Variants in SACS observed in about 807,000 individuals in gnomAD.
SACS encodes sacsin.
Under a neutral mutation model 348.0 loss-of-function variants are expected in SACS, and 197 were observed. The ratio of observed to expected loss-of-function variants is 0.57; its 90% CI spans 0.50 to 0.64. The LOEUF is 0.64. Ranked by LOEUF, SACS falls within the 30% of genes least tolerant of loss-of-function variation. The probability of loss-of-function intolerance (pLI) is 0.00; values close to 1 mark genes in which losing one functional copy is unlikely to be tolerated. For synonymous variants in SACS, 1,985 were observed against 1,910.6 expected, an observed-to-expected ratio of 1.04 and a Z score of -1.02; for missense variants, 4,999 against 5,360.8, an observed-to-expected ratio of 0.93 and a Z score of 2.11.
chr13:23,339,794 T>C lies in SACS; in HGVS notation c.4082A>G (p.Asn1361Ser), dbSNP rs1296100364. 6 of 1,613,786 alleles carry C rather than the reference T, an allele frequency of 3.7e-6. No individual in the cohort carries two copies. Among genetic ancestry groups the C allele is most frequent in the Non-Finnish European group, 5.1e-6 (6 of 1,179,804 alleles). Reference sequence around the variant, plus strand: ...ATTGCTATACAGCCATCTGATAATATTCAACATAAGATGAAGATTTTGTTT... The same window carrying C: ...ATTGCTATACAGCCATCTGATAATACTCAACATAAGATGAAGATTTTGTTT... ...ESKQNLHLML[N>S]IIRWLYSNQI... The change falls in exon 10 of 10, where the codon AAT becomes AGT. Residue 1361 changes from asparagine (N) to serine (S), a missense_variant. Coordinates refer to ENST00000382292, the MANE Select transcript of SACS (RefSeq NM_014363.6).
At chr13:23,357,017 T>TGGCTCCTGACAAGATAAAAGCATGA (rs1870435901) in intron 7 of SACS, among the ~76,000 whole-genome samples, 1 of 152,216 alleles carries the variant, frequency 6.6e-6, no homozygotes, top group East Asian at 1.9e-4. Flanking sequence ...TCAGGCCAGG[T>TGGCTCCTGACAAGATAAAAGCATGA]GGCTCCTGAC....
intron 1 of SACS, among the ~76,000 whole-genome samples, chr13:23,416,626 G>A (rs1469339298): frequency 6.6e-6 from 1 of 151,696 alleles, no homozygotes; most frequent in Non-Finnish European, 1.5e-5. Context: ...GCGTGGTGGC[G>A]CATGTCTGTA....
At chr13:23,375,076 C>A (rs2137839255) in intron 3 of SACS, 43 bp downstream of exon 3, 1 of 1,429,448 alleles carries the variant, frequency 7.0e-7, no homozygotes. Context: ...CGCCGTTCCT[C>A]CGCGTGGCGG....
chr13:23,394,765 G>C (rs968394817), intron 2 of SACS, among the ~76,000 whole-genome samples: 1 of 152,214 alleles, frequency 6.6e-6, no homozygotes, highest in African/African-American at 2.4e-5. Context: ...TGAGGCAGGA[G>C]AATCACCTGA....
intron 9 of SACS, among the ~76,000 whole-genome samples, chr13:23,344,331 C>T (rs1482801649): frequency 2.6e-5 from 4 of 152,154 alleles, no homozygotes; most frequent in African/African-American, 7.2e-5. Flanking sequence ...ATTTATAAAA[C>T]GTATACCTAC....
chr13:23,398,369 C>G (rs1429579595), intron 2 of SACS, among the ~76,000 whole-genome samples: 1 of 150,594 alleles, frequency 6.6e-6, no homozygotes. Flanking sequence ...CCCATCTCTA[C>G]TAAAAATATA....
At chr13:23,342,291 A>C (rs1479357366) in intron 9 of SACS, among the ~76,000 whole-genome samples, 1 of 152,256 alleles carries the variant, frequency 6.6e-6, no homozygotes, top group Non-Finnish European at 1.5e-5. Flanking sequence ...AAAGTATCCT[A>C]TAATGTTCTG....
chr13:23,413,371 G>C lies in SACS; in HGVS notation c.-501-1631C>G, dbSNP rs1873572998. Among the ~76,000 whole-genome samples, 3 of 152,300 alleles carry C rather than the reference G, an allele frequency of 2.0e-5. No homozygotes were observed. In the South Asian group the frequency reaches 6.2e-4, roughly 32 times the overall value. ...TAAAATACTTCATAATTTTCAAGAT[G>C]TTCTCTTAGACATTATCATACTAAA... On this transcript the variant is annotated intron_variant, in intron 1 of 9. Transcript: ENST00000382292.
chr13:23,402,295 AAATGATGAC>A (rs1260174228), intron 2 of SACS, among the ~76,000 whole-genome samples: 3 of 152,214 alleles, frequency 2.0e-5, no homozygotes, highest in Non-Finnish European at 4.4e-5. Context: ...ATGAACTAAT[AAATGATGAC>A]AATGGTTTTT....
chr13:23,334,341 CATG>C lies in SACS; in HGVS notation c.9532_9534del (p.His3178del), dbSNP rs1472173804. On this transcript the variant is annotated inframe_deletion, in exon 10 of 10. Transcript: ENST00000382292. Reference sequence around the variant, plus strand: ...AAGTCTTTGCGGGATGGAATCAATTCATGATATGTTGTTAGAAACTTGGGTCGT... The same window carrying C: ...AAGTCTTTGCGGGATGGAATCAATTCATATGTTGTTAGAAACTTGGGTCGT... 6.2e-7 allele frequency: 1 copy of C among 1,612,034 alleles called. No individual in the cohort carries two copies. Among genetic ancestry groups the C allele is most frequent in the Non-Finnish European group, 8.5e-7 (1 of 1,178,954 alleles).
chr13:23,383,266 T>C (rs1333576017), intron 2 of SACS, among the ~76,000 whole-genome samples: 3 of 152,164 alleles, frequency 2.0e-5, no homozygotes, highest in Non-Finnish European at 2.9e-5. Context: ...TTTGGCTTCA[T>C]TGCCACCTCC....
At chr13:23,405,001 T>C (rs1373359845) in intron 2 of SACS, among the ~76,000 whole-genome samples, 2 of 152,160 alleles carry the variant, frequency 1.3e-5, no homozygotes, top group African/African-American at 4.8e-5. Context: ...AATTTATAGA[T>C]TCAATGCTGT....
In SACS at chr13:23,348,625, C is replaced by A. The variant is rs965194541; in HGVS notation, c.2185+5160G>T. ...GTTCCAAGAGCAAAAGAGAGGCATT[C>A]ACCTCAGACTGCAGGGCAGGGGTGA... is the stretch of plus-strand genomic sequence containing the variant. On this transcript the variant is annotated intron_variant, in intron 9 of 9. Transcript: ENST00000382292. Among the ~76,000 whole-genome samples the A allele has an allele frequency of 9.9e-5, 15 of 152,238 alleles. No individual in the cohort carries two copies. In the South Asian group the frequency reaches 2.9e-3, roughly 29 times the overall value.
In SACS at chr13:23,334,319, T is replaced by A; in HGVS notation, c.9557A>T (p.Asp3186Val). 1.2e-6 allele frequency: 2 copies of A among 1,610,342 alleles called. No homozygotes were observed. Among genetic ancestry groups the A allele is most frequent in the Non-Finnish European group, 1.7e-6 (2 of 1,177,924 alleles). The change falls in exon 10 of 10, where the codon GAC becomes GTC. Residue 3186 changes from aspartate (D) to valine (V), a missense_variant. Physicochemically the swap from Asp to Val is radical, Grantham distance 152. Transcript: ENST00000382292. ...TYHELIPSRK[D>V]LFMNTLYLKY... Reference sequence around the variant, plus strand: ...CAAATATAATGTATTCATAAACAAGTCTTTGCGGGATGGAATCAATTCATG... The same window carrying A: ...CAAATATAATGTATTCATAAACAAGACTTTGCGGGATGGAATCAATTCATG...
chr13:23,375,072 T>A (rs927788480), intron 3 of SACS, 47 bp downstream of exon 3: 1 of 1,420,090 alleles, frequency 7.0e-7, no homozygotes, highest in African/African-American at 1.5e-5. Flanking sequence ...CGCCCGCCGT[T>A]CCTCCGCGTG....
rs968187584 is a variant in SACS at position 23,411,449 on chromosome 13, G to A, written c.-210C>T. The A allele has an allele frequency of 1.7e-6, 1 of 604,582 alleles. No individual in the cohort carries two copies. The highest frequency in any genetic ancestry group is 2.9e-6 in the Non-Finnish European group (1 of 339,944). 37.5% of individuals were successfully genotyped at this position (604,582 alleles called of 1,614,324 possible). ...GTGTGTTGCATTTGTATTCCTTAAA[G>A]TATGACTCTCCAGTCTGATAATGGT... On this transcript the variant is annotated 5_prime_UTR_variant, in exon 2 of 10. Coordinates refer to ENST00000382292, the MANE Select transcript of SACS (RefSeq NM_014363.6).
rs1269553630 is a variant in SACS at position 23,336,340 on chromosome 13, A to G, written c.7536T>C (p.Asn2512=). 5 of 1,614,082 alleles carry G rather than the reference A, an allele frequency of 3.1e-6. No homozygotes were observed. The highest frequency in any genetic ancestry group is 4.2e-6 in the Non-Finnish European group (5 of 1,179,954). Residue 2512 remains asparagine, a synonymous_variant, in exon 10 of 10, where the codon AAT becomes AAC. Transcript: ENST00000382292. ...RHKALERYAS[N]VCFTTLGTEF... ...CTGTGCCAAGTGTTGTAAAACAGAC[A>G]TTGGATGCATATCTTTCTAAGGCTT...
intron 1 of SACS, among the ~76,000 whole-genome samples, chr13:23,422,353 C>A (rs1873987306): frequency 2.0e-5 from 3 of 152,100 alleles, no homozygotes; most frequent in African/African-American, 7.2e-5. Context: ...AAGTTCCAAA[C>A]ACACATTTTA....
In SACS at chr13:23,355,440, G is replaced by A; in HGVS notation, c.1172C>T (p.Ser391Phe). Residue 391 changes from serine (S) to phenylalanine (F), a missense_variant, in exon 8 of 10, where the codon TCT becomes TTT. Ser to Phe is a radical substitution (Grantham distance 155). This residue lies in a region of SACS where 3,156 missense variants were observed against 3,380.1 expected (regional missense o/e 0.93). Coordinates refer to ENST00000382292, the MANE Select transcript of SACS (RefSeq NM_014363.6). ...ACCCACACTGTTACACACCAACCAAGATGTTTTCTGTGCATCCTTAGTACT... is the reference window on the plus strand; with the variant it reads ...ACCCACACTGTTACACACCAACCAAAATGTTTTCTGTGCATCCTTAGTACT... ...EESTKDAQKTSWLVCNSVGGR... is the reference protein window; with the variant it reads ...EESTKDAQKTFWLVCNSVGGR... 1 of 1,614,080 alleles carries A rather than the reference G, an allele frequency of 6.2e-7. No individual in the cohort carries two copies. The highest frequency in any genetic ancestry group is 8.5e-7 in the Non-Finnish European group (1 of 1,179,984).
Sources: allele counts gnomAD v4.1 joint callset (sites outside exome capture counted in the v4.1 genomes callset), GRCh38; gene constraint gnomAD v4.1.1; regional missense constraint gnomAD v4.1.1; transcripts MANE v1.5; gene names NCBI Gene and HGNC (gene_info 2026-07-23, HGNC 2026-07-21).